Variants in FGF7 observed in about 807,000 individuals in gnomAD.
FGF7 encodes FGF-7.
FGF7 carries 6 observed loss-of-function variants against 20.5 expected under a neutral mutation model. That is an observed-to-expected ratio of 0.29 (90% CI 0.16 to 0.58). FGF7 has a LOEUF of 0.58. FGF7 is among the 20% of genes least tolerant of loss of function. The probability of loss-of-function intolerance (pLI) is 0.90; values close to 1 mark genes in which losing one functional copy is unlikely to be tolerated. For synonymous variants in FGF7, 64 were observed against 74.7 expected (o/e 0.86, Z 0.74); for missense variants, 144 against 228.8 (o/e 0.63, Z 2.39).
intron 2 of FGF7, among the ~76,000 whole-genome samples, chr15:49,441,900 G>A (rs1327707254): frequency 2.0e-5 from 3 of 150,574 alleles, no homozygotes; most frequent in South Asian, 2.1e-4. Context: ...TTGTACTTAT[G>A]CATTTATTTT....
At chr15:49,435,145 AT>A (rs1412461919) in intron 2 of FGF7, among the ~76,000 whole-genome samples, 2 of 151,724 alleles carry the variant, frequency 1.3e-5, no homozygotes, top group East Asian at 3.9e-4. Flanking sequence ...TGTGAAAAAA[AT>A]GAATGAAATA....
At chr15:49,435,507 TTG>T (rs1462504913) in intron 2 of FGF7, among the ~76,000 whole-genome samples, 16 of 151,636 alleles carry the variant, frequency 1.1e-4, no homozygotes, top group African/African-American at 3.6e-4. Flanking sequence ...TGATATGTCT[TTG>T]TTTTTGCAAA....
intron 2 of FGF7, among the ~76,000 whole-genome samples, chr15:49,459,380 T>A (rs1367879118): frequency 1.3e-5 from 2 of 152,220 alleles, no homozygotes; most frequent in Non-Finnish European, 2.9e-5. Context: ...GTAATTAGTA[T>A]GTTTATTCCA....
At chr15:49,455,670 T>C (rs2053218119) in intron 2 of FGF7, among the ~76,000 whole-genome samples, 1 of 152,206 alleles carries the variant, frequency 6.6e-6, no homozygotes, top group Non-Finnish European at 1.5e-5. Context: ...GACATATTTT[T>C]AAATGGCAGC....
At chr15:49,481,522 T>G (rs1367878393) in intron 2 of FGF7, among the ~76,000 whole-genome samples, 1 of 152,210 alleles carries the variant, frequency 6.6e-6, no homozygotes, top group East Asian at 1.9e-4. Context: ...GAACGTTACA[T>G]GAATGCATCA....
intron 2 of FGF7, among the ~76,000 whole-genome samples, chr15:49,438,846 T>C (rs373650863): frequency 8.4e-6 from 1 of 119,044 alleles, no homozygotes; most frequent in South Asian, 2.9e-4. Flanking sequence ...AGAGAGAGAG[T>C]GGGTGGTAAG....
chr15:49,442,937 C>T (rs1227575875), intron 2 of FGF7, among the ~76,000 whole-genome samples: 1 of 151,752 alleles, frequency 6.6e-6, no homozygotes, highest in Non-Finnish European at 1.5e-5. Context: ...GAGTCAAAGG[C>T]TGTTGGAAAT....
chr15:49,442,709 T>G (rs2051785966), intron 2 of FGF7, among the ~76,000 whole-genome samples: 1 of 151,736 alleles, frequency 6.6e-6, no homozygotes, highest in South Asian at 2.1e-4. Flanking sequence ...TCTACTAGCA[T>G]GGTTATTTAA....
chr15:49,427,633 C>T (rs144808018), intron 2 of FGF7, among the ~76,000 whole-genome samples: 5 of 152,112 alleles, frequency 3.3e-5, no homozygotes, highest in Admixed American at 2.6e-4. Context: ...AATCTTTTCT[C>T]ATGACTTTTT....
At chr15:49,453,330 C>T (rs2052952666) in intron 2 of FGF7, among the ~76,000 whole-genome samples, 1 of 151,898 alleles carries the variant, frequency 6.6e-6, no homozygotes, top group East Asian at 1.9e-4. Context: ...TCTCAAATGC[C>T]TGAGCTCAAG....
intron 2 of FGF7, among the ~76,000 whole-genome samples, chr15:49,476,116 TCATC>T (rs1396604304): frequency 6.6e-6 from 1 of 152,108 alleles, no homozygotes; most frequent in Admixed American, 6.5e-5. Context: ...TCAACTCTAT[TCATC>T]CATCAAGATC....
At chr15:49,479,780 A>T (rs62009977) in intron 2 of FGF7, among the ~76,000 whole-genome samples, 1 of 151,574 alleles carries the variant, frequency 6.6e-6, no homozygotes, top group Non-Finnish European at 1.5e-5. Flanking sequence ...TGCCTGGCTA[A>T]TTTTTGTATT....
chr15:49,457,981 T>C (rs1301644214), intron 2 of FGF7, among the ~76,000 whole-genome samples: 2 of 151,982 alleles, frequency 1.3e-5, no homozygotes, highest in Non-Finnish European at 2.9e-5. Flanking sequence ...CATCACTTTC[T>C]TGATTGATAA....
chr15:49,463,941 T>TTTGC lies in FGF7; in HGVS notation c.287-19207_287-19204dup, dbSNP rs2054036514. ...AAGGTTTTTGTTTGTTTTTTGTTTG[T>TTTGC]TTGCTTTAGAGTTACTATTTTTATC... On this transcript the variant is annotated intron_variant, in intron 2 of 3. Coordinates refer to ENST00000267843, the MANE Select transcript of FGF7 (RefSeq NM_002009.4). 1.3e-5 allele frequency among the ~76,000 whole-genome samples: 2 copies of TTTGC among 152,038 alleles called. 1 individual carries two copies. The highest frequency in any genetic ancestry group is 1.3e-4 in the Admixed American group (2 of 15,256).
Position 49,424,025 on chromosome 15 carries a change from C to A in FGF7, c.-266-7C>A. On this transcript the variant is annotated splice_polypyrimidine_tract_variant and splice_region_variant and intron_variant, in intron 1 of 3. Transcript: ENST00000267843. ...CCTCCCTATTCTTAATCTCTCATTG[C>A]AAACAGAAGTCAAATAGCAAACAGC... The A allele has an allele frequency of 6.1e-6, 2 of 329,258 alleles. No individual in the cohort carries two copies. The highest frequency in any genetic ancestry group is 5.1e-5 in the East Asian group (1 of 19,768). The allele number at this position is 329,258 out of a possible 1,614,324, so 20.4% of individuals were successfully genotyped here. A position where few individuals can be genotyped will look rare whatever the true frequency, so the allele number is the denominator to read the frequency against.
intron 2 of FGF7, among the ~76,000 whole-genome samples, chr15:49,431,051 T>C (rs1304373185): frequency 2.6e-5 from 4 of 151,900 alleles, no homozygotes; most frequent in Non-Finnish European, 4.4e-5. Context: ...ATAACTTCTC[T>C]AACATCACTA....
intron 2 of FGF7, among the ~76,000 whole-genome samples, chr15:49,443,197 T>C (rs551578201): frequency 2.8e-4 from 43 of 151,808 alleles, no homozygotes; most frequent in Middle Eastern, 3.4e-3. Context: ...TTATTAAACA[T>C]TTAATTACAT....
intron 2 of FGF7, among the ~76,000 whole-genome samples, chr15:49,465,801 C>T (rs118078763): frequency 0.014 from 2,189 of 152,146 alleles, 23 homozygotes; most frequent in Non-Finnish European, 0.021. Flanking sequence ...CTTAGTTTTT[C>T]GACATTTAGT....
intron 2 of FGF7, among the ~76,000 whole-genome samples, chr15:49,480,121 A>G (rs1025238722): frequency 2.0e-5 from 3 of 152,160 alleles, no homozygotes; most frequent in African/African-American, 7.2e-5. Flanking sequence ...GCTCTTCCCA[A>G]GCAATTGTCT....
Sources: gnomAD v4.1 joint callset for allele counts (sites outside exome capture counted in the v4.1 genomes callset) on GRCh38, gnomAD v4.1.1 for gene constraint, MANE v1.5 for transcripts, NCBI Gene and HGNC (gene_info 2026-07-23, HGNC 2026-07-21) for gene names.